RIT2: variants seen among roughly 807,000 people sequenced by gnomAD.
RIT2 encodes the protein Ras like without CAAX 2.
In RIT2, 24 loss-of-function variants were observed where a neutral mutation model predicts 23.7. The ratio of observed to expected loss-of-function variants is 1.01; its 90% CI spans 0.73 to 1.43. The LOEUF (loss-of-function observed/expected upper bound fraction) is 1.43, where lower values mean the gene tolerates loss of function less well. Among genes scored for constraint, RIT2 ranks in the 40% most tolerant of loss-of-function variants. The pLI is 0.00. For missense variants in RIT2, 236 were observed against 266.9 expected, an observed-to-expected ratio of 0.88 and a Z score of 0.81; for synonymous variants, 107 against 91.1, an observed-to-expected ratio of 1.17 and a Z score of -0.99.
At chr18:43,028,846 AAGG>A (rs1911790815) in intron 2 of RIT2, among the ~76,000 whole-genome samples, 1 of 152,080 alleles carries the variant, frequency 6.6e-6, no homozygotes, top group Non-Finnish European at 1.5e-5. Flanking sequence ...TAGTGACACA[AAGG>A]AGTGACTCTA....
rs73954413 is a variant in RIT2, at chr18:43,092,991, T to C, written c.103+22426A>G. On this transcript the variant is annotated intron_variant, in intron 1 of 4. Coordinates refer to ENST00000326695, the MANE Select transcript of RIT2 (RefSeq NM_002930.4). ...GACAAATGCATAGTATATTCTTATATGTAAGCAGGGTTATAATTTCTACAC... is the reference window on the plus strand; with the variant it reads ...GACAAATGCATAGTATATTCTTATACGTAAGCAGGGTTATAATTTCTACAC... Among the ~76,000 whole-genome samples, 1,119 of 152,176 alleles carry C rather than the reference T, an allele frequency of 7.4e-3. 13 individuals are homozygous for C. Among genetic ancestry groups the C allele is most frequent in the African/African-American group, 0.026 (1,073 of 41,536 alleles).
chr18:42,787,911 A>G (rs1390466054), intron 4 of RIT2, among the ~76,000 whole-genome samples: 2 of 151,936 alleles, frequency 1.3e-5, no homozygotes, highest in East Asian at 3.9e-4. Flanking sequence ...CTGATACATT[A>G]AAATGTATTC....
At chr18:42,924,664 G>C (rs1444852385) in intron 3 of RIT2, among the ~76,000 whole-genome samples, 1 of 151,988 alleles carries the variant, frequency 6.6e-6, no homozygotes, top group Non-Finnish European at 1.5e-5. Context: ...ATTGTGACTT[G>C]GACAGTTTGT....
chr18:43,084,070 C>A (rs1400574538), intron 1 of RIT2, among the ~76,000 whole-genome samples: 1 of 152,026 alleles, frequency 6.6e-6, no homozygotes, highest in African/African-American at 2.4e-5. Context: ...AAAAAGTGGG[C>A]AAAGAATATG....
intron 4 of RIT2, among the ~76,000 whole-genome samples, chr18:42,780,865 G>A (rs1913795560): frequency 6.7e-6 from 1 of 150,210 alleles, no homozygotes; most frequent in Non-Finnish European, 1.5e-5. Context: ...TGTCCAGTCA[G>A]TCTGTTGCGG....
intron 3 of RIT2, among the ~76,000 whole-genome samples, chr18:42,936,583 G>A (rs1909464770): frequency 6.6e-6 from 1 of 152,128 alleles, no homozygotes; most frequent in Non-Finnish European, 1.5e-5. Flanking sequence ...CCTGACTCCT[G>A]TTCATTCTGT....
intron 4 of RIT2, among the ~76,000 whole-genome samples, chr18:42,764,207 G>A (rs1014421122): frequency 1.3e-5 from 2 of 152,156 alleles, no homozygotes; most frequent in Non-Finnish European, 2.9e-5. Context: ...AAGCAGCATC[G>A]TGATCACACT....
At chr18:43,003,943 T>C (rs996502774) in intron 2 of RIT2, among the ~76,000 whole-genome samples, 3 of 151,432 alleles carry the variant, frequency 2.0e-5, no homozygotes, top group African/African-American at 7.3e-5. Context: ...CAATATGACC[T>C]TCTGTGGCAA....
chr18:42,998,129 A>G (rs930143315), intron 2 of RIT2, among the ~76,000 whole-genome samples: 2 of 152,090 alleles, frequency 1.3e-5, no homozygotes, highest in Non-Finnish European at 2.9e-5. Context: ...TCTCTTAATA[A>G]ACCATGGGAT....
intron 3 of RIT2, among the ~76,000 whole-genome samples, chr18:42,937,642 G>A (rs547911672): frequency 1.3e-5 from 2 of 152,226 alleles, no homozygotes; most frequent in Non-Finnish European, 2.9e-5. Flanking sequence ...TAACCACAAA[G>A]CTTCCTGATC....
At chr18:42,955,177 A>G (rs1909944097) in intron 3 of RIT2, among the ~76,000 whole-genome samples, 1 of 152,210 alleles carries the variant, frequency 6.6e-6, no homozygotes, top group South Asian at 2.1e-4. Context: ...AGTCACCACA[A>G]GAGCTGTCAC....
At chr18:42,858,987 G>A (rs910990368) in intron 4 of RIT2, among the ~76,000 whole-genome samples, 36 of 152,006 alleles carry the variant, frequency 2.4e-4, no homozygotes, top group African/African-American at 8.2e-4. Flanking sequence ...TCACTTTTGG[G>A]GTATTATAAA....
chr18:43,034,081 A>C (rs1490556651), intron 1 of RIT2, among the ~76,000 whole-genome samples: 2 of 152,158 alleles, frequency 1.3e-5, no homozygotes, highest in Admixed American at 1.3e-4. Context: ...TGAAATAAAT[A>C]TGTTCAAATT....
At chr18:42,796,792 G>A (rs974407139) in intron 4 of RIT2, among the ~76,000 whole-genome samples, 1 of 152,146 alleles carries the variant, frequency 6.6e-6, no homozygotes, top group African/African-American at 2.4e-5. Context: ...AGGTCTTCCA[G>A]AAGACTCAGT....
At chr18:43,038,897 G>A (rs1242125812) in intron 1 of RIT2, among the ~76,000 whole-genome samples, 1 of 151,848 alleles carries the variant, frequency 6.6e-6, no homozygotes, top group East Asian at 1.9e-4. Flanking sequence ...GTAAACTGCA[G>A]GATTTTTTTT....
chr18:43,027,766 C>T (rs1030926963), intron 2 of RIT2, among the ~76,000 whole-genome samples: 7 of 152,008 alleles, frequency 4.6e-5, no homozygotes, highest in African/African-American at 1.7e-4. Flanking sequence ...TAAAGTGAGA[C>T]CAGGCTTCAC....
chr18:42,942,339 C>T (rs761320944), intron 3 of RIT2, among the ~76,000 whole-genome samples: 7 of 152,100 alleles, frequency 4.6e-5, no homozygotes, highest in Admixed American at 1.3e-4. Flanking sequence ...ACCCTCTGGA[C>T]AGTGAAGGAG....
chr18:42,967,634 G>T (rs191184427), intron 3 of RIT2, among the ~76,000 whole-genome samples: 9 of 140,712 alleles, frequency 6.4e-5, no homozygotes, highest in African/African-American at 2.4e-4. Flanking sequence ...CTCGTGATCC[G>T]CTCATCTCGG....
At chr18:42,882,428 T>C (rs1907919480) in intron 4 of RIT2, among the ~76,000 whole-genome samples, 1 of 152,226 alleles carries the variant, frequency 6.6e-6, no homozygotes, top group Admixed American at 6.5e-5. Flanking sequence ...GACTAATTAT[T>C]TATATCTGAC....
Sources: gnomAD v4.1 joint callset for allele counts (sites outside exome capture counted in the v4.1 genomes callset) on GRCh38, gnomAD v4.1.1 for gene constraint, MANE v1.5 for transcripts, NCBI Gene and HGNC (gene_info 2026-07-23, HGNC 2026-07-21) for gene names.